Variants in CSMD3 observed in about 807,000 individuals in gnomAD.
CSMD3 encodes CUB and sushi domain-containing protein 3.
CSMD3 carries 177 observed loss-of-function variants against 435.2 expected under a neutral mutation model. That is an observed-to-expected ratio of 0.41 (90% CI 0.36 to 0.46). CSMD3 has a LOEUF of 0.46. Among genes scored for constraint, CSMD3 ranks in the 20% least tolerant of loss-of-function variants. CSMD3 has a pLI of 0.34. For synonymous variants in CSMD3, 1,656 were observed against 1,520.5 expected (o/e 1.09, Z -2.07); for missense variants, 4,265 against 4,504.6 (o/e 0.95, Z 1.52).
In CSMD3 at chr8:112,319,985, CA is replaced by C; in HGVS notation, c.7166-5del. The C allele has an allele frequency of 1.3e-6, 2 of 1,596,934 alleles. No individual in the cohort carries two copies. The highest frequency in any genetic ancestry group is 1.7e-6 in the Non-Finnish European group (2 of 1,164,754). On this transcript the variant is annotated splice_region_variant and splice_polypyrimidine_tract_variant and intron_variant, in intron 45 of 70. Coordinates refer to ENST00000297405, the MANE Select transcript of CSMD3 (RefSeq NM_198123.2). ...TGGCACACCCTTAGTTGATAGGCTA[CA>C]AAAATAAACAAAGTGTTTATTCCTT...
intron 3 of CSMD3, among the ~76,000 whole-genome samples, chr8:113,257,699 G>A (rs2093394392): frequency 1.3e-5 from 2 of 152,100 alleles, no homozygotes; most frequent in South Asian, 4.1e-4. Flanking sequence ...TCAACATCAG[G>A]AAATTAGATA....
intron 6 of CSMD3, among the ~76,000 whole-genome samples, chr8:112,984,757 C>T (rs1286260477): frequency 6.6e-6 from 1 of 152,026 alleles, no homozygotes; most frequent in Non-Finnish European, 1.5e-5. Context: ...ATTGAAAAAA[C>T]AAACCCTATC....
intron 11 of CSMD3, among the ~76,000 whole-genome samples, chr8:112,830,735 T>C (rs954166080): frequency 6.6e-6 from 1 of 151,424 alleles, no homozygotes; most frequent in African/African-American, 2.4e-5. Flanking sequence ...ATTATAAAAA[T>C]AATTAAAAAT....
chr8:112,821,726 C>A (rs112112750), intron 12 of CSMD3, among the ~76,000 whole-genome samples: 1 of 151,940 alleles, frequency 6.6e-6, no homozygotes, highest in Non-Finnish European at 1.5e-5. Flanking sequence ...TCTTTGCCCA[C>A]GCCTGTGTCC....
rs2091249692 is a variant in CSMD3, at chr8:113,130,206, T to C, written c.710-31243A>G. Among the ~76,000 whole-genome samples, 4 of 152,128 alleles carry C rather than the reference T, an allele frequency of 2.6e-5. No homozygotes were observed. In the South Asian group the frequency reaches 8.3e-4, roughly 32 times the overall value. On this transcript the variant is annotated intron_variant, in intron 4 of 70. Transcript: ENST00000297405. ...GTGACAGATCAGAGAAAAATAAAGC[T>C]AGGAAAAAGTAGTTAAGGCTTCACA...
Position 113,032,023 on chromosome 8 carries a change from A to T in CSMD3, c.918-12844T>A, listed in dbSNP as rs1357654634. On this transcript the variant is annotated intron_variant, in intron 5 of 70. Transcript: ENST00000297405. ...TTCTTCTCTTTCGCCTTCTGCCATGATAGTAAGTCTCCTGAGGCCTTCCCA... is the reference window on the plus strand; with the variant it reads ...TTCTTCTCTTTCGCCTTCTGCCATGTTAGTAAGTCTCCTGAGGCCTTCCCA... Among the ~76,000 whole-genome samples, 7 of 151,740 alleles carry T rather than the reference A, an allele frequency of 4.6e-5. No homozygotes were observed. In the East Asian group the frequency reaches 9.7e-4, roughly 21 times the overall value.
chr8:112,875,270 T>C (rs1335321255), intron 10 of CSMD3, among the ~76,000 whole-genome samples: 3 of 152,106 alleles, frequency 2.0e-5, no homozygotes, highest in Non-Finnish European at 2.9e-5. Context: ...GCTTGTAGGG[T>C]TTCTGCAGAG....
intron 6 of CSMD3, among the ~76,000 whole-genome samples, chr8:113,017,068 T>C (rs1202345375): frequency 6.6e-6 from 1 of 151,934 alleles, no homozygotes; most frequent in Non-Finnish European, 1.5e-5. Context: ...AAGCTTCAAT[T>C]TTCTTAACCA....
chr8:112,726,119 A>T (rs1341501391), intron 13 of CSMD3, among the ~76,000 whole-genome samples: 1 of 151,986 alleles, frequency 6.6e-6, no homozygotes, highest in Non-Finnish European at 1.5e-5. Context: ...ATCTCTTGAG[A>T]GCTCACTCAA....
chr8:113,366,677 C>T (rs1318586138), intron 1 of CSMD3, among the ~76,000 whole-genome samples: 1 of 151,924 alleles, frequency 6.6e-6, no homozygotes, highest in Admixed American at 6.6e-5. Flanking sequence ...GAAGTTTGAG[C>T]GTATACCATG....
intron 13 of CSMD3, among the ~76,000 whole-genome samples, chr8:112,748,325 T>C (rs1457517071): frequency 6.6e-6 from 1 of 152,164 alleles, no homozygotes; most frequent in Non-Finnish European, 1.5e-5. Flanking sequence ...AATCATAATA[T>C]AACAAAACTT....
rs540364284 is a variant in CSMD3, at chr8:112,596,414, A to G, written c.3716-9179T>C. ...AGACTTAGACTCCCACACATTAATA[A>G]TGGGAGACTTTAACACCCCACTGTC... is the stretch of plus-strand genomic sequence containing the variant. On this transcript the variant is annotated intron_variant, in intron 22 of 70. Transcript: ENST00000297405. 2.8e-4 allele frequency among the ~76,000 whole-genome samples: 42 copies of G among 152,174 alleles called. 1 individual carries two copies. Among genetic ancestry groups the G allele is most frequent in the Admixed American group, 2.6e-3 (40 of 15,276 alleles).
chr8:112,371,671 C>T (rs111892483), intron 38 of CSMD3, among the ~76,000 whole-genome samples: 2,840 of 152,104 alleles, frequency 0.019, 44 homozygotes, highest in Non-Finnish European at 0.028. Context: ...GGGCGTATTA[C>T]GAGGTCAGGA....
Position 112,291,666 on chromosome 8 carries a change from C to T in CSMD3, c.8818G>A (p.Ala2940Thr), listed in dbSNP as rs2130678732. Residue 2940 changes from alanine to threonine, a missense_variant, in exon 56 of 71, where the codon GCC (alanine) becomes ACC (threonine). Coordinates refer to ENST00000297405, the MANE Select transcript of CSMD3 (RefSeq NM_198123.2). ...ATTTTACTTTCTCTTTTAGAATTGG[C>T]TGGAATTCCAGGATCAGAACAGTTG... ...VVNCSDPGIP[A>T]NSKRESKIEH... 6.2e-7 allele frequency: 1 copy of T among 1,612,492 alleles called. No homozygotes were observed. The highest frequency in any genetic ancestry group is 1.3e-5 in the African/African-American group (1 of 74,988).
intron 3 of CSMD3, among the ~76,000 whole-genome samples, chr8:113,235,597 C>G (rs2093138945): frequency 6.6e-6 from 1 of 151,944 alleles, no homozygotes; most frequent in African/African-American, 2.4e-5. Flanking sequence ...TAGGTGCAAA[C>G]TTGATTGGAT....
chr8:113,156,726 T>C (rs1260061254), intron 4 of CSMD3, among the ~76,000 whole-genome samples: 2 of 103,648 alleles, frequency 1.9e-5, no homozygotes, highest in African/African-American at 7.4e-5. Context: ...CATGGCAAAA[T>C]CTCACCTAAA....
At chr8:113,048,082 T>C (rs113073375) in intron 5 of CSMD3, among the ~76,000 whole-genome samples, 19 of 122,452 alleles carry the variant, frequency 1.6e-4, no homozygotes, top group African/African-American at 5.4e-4. Context: ...TAACTTCAAT[T>C]CTTTTTTTTT....
At chr8:113,053,954 A>G (rs2088206996) in intron 5 of CSMD3, among the ~76,000 whole-genome samples, 1 of 152,146 alleles carries the variant, frequency 6.6e-6, no homozygotes, top group Non-Finnish European at 1.5e-5. Flanking sequence ...GTATCTATGT[A>G]TCCTTTTCTA....
chr8:112,836,625 G>T (rs1284383802), intron 11 of CSMD3, among the ~76,000 whole-genome samples: 1 of 151,826 alleles, frequency 6.6e-6, no homozygotes, highest in Non-Finnish European at 1.5e-5. Context: ...AATGTATTCA[G>T]CTATTACAAC....
Sources: gnomAD v4.1 joint callset for allele counts (sites outside exome capture counted in the v4.1 genomes callset) on GRCh38, gnomAD v4.1.1 for gene constraint, MANE v1.5 for transcripts, NCBI Gene and HGNC (gene_info 2026-07-23, HGNC 2026-07-21) for gene names.